The following ESRRG variants were observed in gnomAD, a reference collection of about 807,000 sequenced individuals.
ESRRG encodes estrogen-related receptor gamma.
A neutral mutation model predicts 44.0 loss-of-function variants in ESRRG; 13 were observed. The observed-to-expected ratio is 0.30, with a 90% CI of 0.19 to 0.47. The LOEUF is 0.47. Among genes scored for constraint, ESRRG ranks in the 20% least tolerant of loss-of-function variants. The probability of loss-of-function intolerance (pLI) is 1.00; values close to 1 mark genes in which losing one functional copy is unlikely to be tolerated. For synonymous variants in ESRRG, 215 were observed against 214.6 expected (o/e 1.00, Z -0.02); for missense variants, 395 against 580.6 (o/e 0.68, Z 3.29).
At position 216,626,613 on chromosome 1, in the gene ESRRG, C is replaced by T. The variant is rs1460240641; in HGVS notation, c.589+24360G>A. On this transcript the variant is annotated intron_variant, in intron 3 of 6. Coordinates refer to ENST00000408911, the MANE Select transcript of ESRRG (RefSeq NM_001438.4). ...CAGCACCATTGACAGTCAGAGATGC[C>T]TGTCCCTGTCCTAGTCCAGCAACCC... Among the ~76,000 whole-genome samples the T allele has an allele frequency of 2.6e-5, 4 of 152,248 alleles. No individual in the cohort carries two copies. The East Asian group carries it at 7.7e-4, about 29-fold the overall frequency.
chr1:216,838,344 CT>C (rs2095600372), intron 2 of ESRRG, among the ~76,000 whole-genome samples: 1 of 152,098 alleles, frequency 6.6e-6, no homozygotes, highest in Admixed American at 6.5e-5. Flanking sequence ...AAAGTGTTGT[CT>C]TTAGTACATG....
At chr1:217,129,491 A>G (rs2092936335) in intron 1 of ESRRG, among the ~76,000 whole-genome samples, 1 of 152,348 alleles carries the variant, frequency 6.6e-6, no homozygotes, top group South Asian at 2.1e-4. Context: ...CTTTGTACAC[A>G]GGTGTTCACA....
chr1:216,681,861 T>C (rs1043948272), intron 1 of ESRRG: 4 of 152,338 alleles, frequency 2.6e-5, no homozygotes, highest in Admixed American at 6.5e-5. Context: ...CTATTGTAAT[T>C]ATCAAGCTTA....
intron 5 of ESRRG, among the ~76,000 whole-genome samples, chr1:216,519,656 T>C (rs1558225804): frequency 6.6e-6 from 1 of 152,050 alleles, no homozygotes; most frequent in African/African-American, 2.4e-5. Flanking sequence ...CTTAGGGGAA[T>C]ATAATAGAGA....
At chr1:217,012,917 T>A (rs564441492) in intron 1 of ESRRG, among the ~76,000 whole-genome samples, 1 of 152,244 alleles carries the variant, frequency 6.6e-6, no homozygotes, top group African/African-American at 2.4e-5. Context: ...AAAATCAAGG[T>A]GTTGATAGGG....
intron 1 of ESRRG, among the ~76,000 whole-genome samples, chr1:217,068,905 A>G (rs571372208): frequency 1.2e-4 from 18 of 152,320 alleles, no homozygotes; most frequent in African/African-American, 4.3e-4. Context: ...ATTTAAAAAG[A>G]ATAATTGGGC....
intron 2 of ESRRG, among the ~76,000 whole-genome samples, chr1:216,805,748 A>AT (rs2094771282): frequency 6.6e-6 from 1 of 151,710 alleles, no homozygotes. Context: ...AAAAAAAAAA[A>AT]GGATTTTTTT....
Position 216,690,654 on chromosome 1 carries a change from T to G in ESRRG, c.57-13163A>C, listed in dbSNP as rs112331376. ...TAAACAATGGGTTAAACATAATAAC[T>G]ATGCATTACCAGAAGTTTTCCTTGA... On this transcript the variant is annotated intron_variant, in intron 1 of 6. Transcript: ENST00000408911. Among the ~76,000 whole-genome samples the G allele has an allele frequency of 3.9e-3, 600 of 152,258 alleles. 6 individuals are homozygous for G. The highest frequency in any genetic ancestry group is 0.014 in the African/African-American group (573 of 41,564).
At chr1:217,026,485 G>C (rs572198056) in intron 1 of ESRRG, among the ~76,000 whole-genome samples, 1 of 152,248 alleles carries the variant, frequency 6.6e-6, no homozygotes, top group African/African-American at 2.4e-5. Flanking sequence ...AAGAGTTATG[G>C]GTTCGAGGCA....
Position 216,784,174 on chromosome 1 carries a change from CTTA to C in ESRRG, c.-13-106686_-13-106684del, listed in dbSNP as rs11572618. On this transcript the variant is annotated intron_variant, in intron 2 of 7. Coordinates refer to the ESRRG transcript ENST00000359162. ...TCTGAGAGTTTCTTTTTTTTTATGT[CTTA>C]TTTTTTCCTATATCCAATGCTTAGT... is the stretch of plus-strand genomic sequence containing the variant. 2.6e-5 allele frequency among the ~76,000 whole-genome samples: 4 copies of C among 151,738 alleles called. No homozygotes were observed. The East Asian group carries it at 5.8e-4, about 22-fold the overall frequency.
rs565980722 is a variant in ESRRG at position 216,640,426 on chromosome 1, T to C, written c.589+10547A>G. On this transcript the variant is annotated intron_variant, in intron 3 of 6. Coordinates refer to ENST00000408911, the MANE Select transcript of ESRRG (RefSeq NM_001438.4). ...AACCTTGGCCAAGCCAGCTGGCTTG[T>C]TCCTTTGCAGACAGCTTGCCTTAGG... 1.6e-4 allele frequency among the ~76,000 whole-genome samples: 24 copies of C among 152,004 alleles called. No homozygotes were observed. In the South Asian group the frequency reaches 4.6e-3, roughly 29 times the overall value.
chr1:216,682,004 C>T (rs1460126183), intron 1 of ESRRG: 1 of 152,170 alleles, frequency 6.6e-6, no homozygotes, highest in Non-Finnish European at 1.5e-5. Context: ...TGAAGCTCAG[C>T]CAGTGCTTGT....
intron 2 of ESRRG, among the ~76,000 whole-genome samples, chr1:216,783,064 C>A (rs1395853114): frequency 6.6e-6 from 1 of 151,820 alleles, no homozygotes; most frequent in African/African-American, 2.4e-5. Flanking sequence ...TACATTCCCA[C>A]TCAGAAGAGT....
chr1:216,517,983 T>C (rs1457659111), intron 6 of ESRRG, among the ~76,000 whole-genome samples: 1 of 152,166 alleles, frequency 6.6e-6, no homozygotes, highest in Non-Finnish European at 1.5e-5. Context: ...TGCATCAATA[T>C]TGTAGATGAA....
chr1:217,091,514 T>C (rs2092345021), upstream of ESRRG, among the ~76,000 whole-genome samples: 2 of 152,206 alleles, frequency 1.3e-5, no homozygotes, highest in Middle Eastern at 3.2e-3. Context: ...AGGGAAGATA[T>C]TGTAATTATG....
intron 3 of ESRRG, among the ~76,000 whole-genome samples, chr1:216,620,947 C>T (rs1173347425): frequency 1.3e-5 from 2 of 152,026 alleles, no homozygotes; most frequent in South Asian, 2.1e-4. Context: ...ATCTGCTATC[C>T]CTTGAGATAA....
chr1:216,791,696 C>T (rs187107025), intron 2 of ESRRG, among the ~76,000 whole-genome samples: 84 of 152,208 alleles, frequency 5.5e-4, no homozygotes, highest in Middle Eastern at 3.4e-3. Flanking sequence ...TTTTATTATT[C>T]ATAGTTTGTA....
chr1:216,794,133 C>G (rs1270453915), intron 2 of ESRRG, among the ~76,000 whole-genome samples: 1 of 152,102 alleles, frequency 6.6e-6, no homozygotes, highest in East Asian at 1.9e-4. Flanking sequence ...CCTTGGCCTT[C>G]TGCCTTATAA....
intron 1 of ESRRG, among the ~76,000 whole-genome samples, chr1:217,018,414 C>A (rs1199236477): frequency 6.6e-6 from 1 of 152,120 alleles, no homozygotes; most frequent in African/African-American, 2.4e-5. Context: ...AGATGTGGCA[C>A]CTTTCTGCTA....
Sources: gnomAD v4.1 joint callset for allele counts (sites outside exome capture counted in the v4.1 genomes callset) on GRCh38, gnomAD v4.1.1 for gene constraint, MANE v1.5 for transcripts, NCBI Gene and HGNC (gene_info 2026-07-23, HGNC 2026-07-21) for gene names.